ADAMTSL3: variants seen among roughly 807,000 people sequenced by gnomAD.
ADAMTSL3 encodes the protein ADAMTS like 3.
In ADAMTSL3, 128 loss-of-function variants were observed where a neutral mutation model predicts 201.7. That is an observed-to-expected ratio of 0.63 (90% confidence interval 0.55 to 0.73). The LOEUF (loss-of-function observed/expected upper bound fraction) is 0.73, where lower values mean the gene tolerates loss of function less well. Among genes scored for constraint, ADAMTSL3 ranks in the 30% least tolerant of loss-of-function variants. The pLI is 0.00. For synonymous variants in ADAMTSL3, 738 were observed against 748.4 expected, an observed-to-expected ratio of 0.99 and a Z score of 0.23; for missense variants, 1,990 against 2,119.6, an observed-to-expected ratio of 0.94 and a Z score of 1.20.
At chr15:83,796,052 G>A (rs1435850763) in intron 4 of ADAMTSL3, among the ~76,000 whole-genome samples, 1 of 152,112 alleles carries the variant, frequency 6.6e-6, no homozygotes, top group Non-Finnish European at 1.5e-5. Flanking sequence ...AAAAATATTA[G>A]CAAACTAGGA....
At chr15:83,768,247 T>A (rs2062923726) in intron 3 of ADAMTSL3, among the ~76,000 whole-genome samples, 1 of 152,372 alleles carries the variant, frequency 6.6e-6, no homozygotes, top group South Asian at 2.1e-4. Flanking sequence ...TTTATTTAAA[T>A]CTTGTTTGGG....
chr15:83,761,991 T>C (rs961105464), intron 3 of ADAMTSL3, among the ~76,000 whole-genome samples: 1 of 152,186 alleles, frequency 6.6e-6, no homozygotes, highest in East Asian at 1.9e-4. Context: ...ATTCCTCAGA[T>C]GGTCTCCTGC....
intron 29 of ADAMTSL3, 112 bp from the exon 30 acceptor site, chr15:84,037,588 G>A (rs1000425761): frequency 5.6e-6 from 7 of 1,256,290 alleles, no homozygotes; most frequent in Non-Finnish European, 7.6e-6. Context: ...CCCAAAGCTG[G>A]TTTCTTCACC....
intron 4 of ADAMTSL3, among the ~76,000 whole-genome samples, chr15:83,794,556 C>A (rs1329259586): frequency 6.6e-6 from 1 of 152,066 alleles, no homozygotes. Flanking sequence ...AAAATCCAAT[C>A]TCTAAAGCTT....
At chr15:83,871,513 G>A (rs984715118) in intron 9 of ADAMTSL3, among the ~76,000 whole-genome samples, 1 of 152,196 alleles carries the variant, frequency 6.6e-6, no homozygotes, top group African/African-American at 2.4e-5. Flanking sequence ...TATCCTTAAG[G>A]CGTCTTTACT....
At chr15:84,001,456 G>A (rs532734370) in intron 23 of ADAMTSL3, among the ~76,000 whole-genome samples, 1 of 152,312 alleles carries the variant, frequency 6.6e-6, no homozygotes, top group Admixed American at 6.5e-5. Context: ...AGATAAGGAA[G>A]CAAACTCAGA....
intron 5 of ADAMTSL3, 129 bp from the exon 6 acceptor site, chr15:83,819,682 G>T: frequency 1.5e-6 from 1 of 653,660 alleles, no homozygotes. Flanking sequence ...AAAAAAAAGA[G>T]GGAATTAGGT....
intron 2 of ADAMTSL3, among the ~76,000 whole-genome samples, chr15:83,671,655 A>G (rs546619599): frequency 1.1e-4 from 17 of 152,300 alleles, no homozygotes; most frequent in South Asian, 4.1e-4. Context: ...TATTCTCTGC[A>G]TTGAAGAATA....
intron 19 of ADAMTSL3, among the ~76,000 whole-genome samples, chr15:83,969,882 A>G (rs2067160807): frequency 6.6e-6 from 1 of 152,256 alleles, no homozygotes; most frequent in South Asian, 2.1e-4. Context: ...ATCTTATGTG[A>G]AGTGTTCTAG....
intron 20 of ADAMTSL3, among the ~76,000 whole-genome samples, chr15:83,970,908 C>G (rs1389085866): frequency 6.6e-6 from 1 of 152,204 alleles, no homozygotes; most frequent in East Asian, 1.9e-4. Context: ...TACCATAATT[C>G]CTTCTGCTTA....
At chr15:83,807,893 C>G (rs546674849) in intron 5 of ADAMTSL3, among the ~76,000 whole-genome samples, 4 of 152,282 alleles carry the variant, frequency 2.6e-5, no homozygotes, top group Admixed American at 2.6e-4. Context: ...GGGGAAAGGA[C>G]AGTGTCTTCA....
At chr15:83,826,576 A>G (rs2064026907) in intron 6 of ADAMTSL3, among the ~76,000 whole-genome samples, 1 of 151,672 alleles carries the variant, frequency 6.6e-6, no homozygotes, top group South Asian at 2.1e-4. Context: ...TTTGTTACAT[A>G]TGTATACATG....
At chr15:83,852,081 G>T (rs2064627248) in intron 7 of ADAMTSL3, among the ~76,000 whole-genome samples, 1 of 151,896 alleles carries the variant, frequency 6.6e-6, no homozygotes, top group Non-Finnish European at 1.5e-5. Flanking sequence ...TATTCACTGA[G>T]GTTTTTTTGC....
At position 83,815,130 on chromosome 15, in the gene ADAMTSL3, G is replaced by C. The variant is rs140669319; in HGVS notation, c.364-4681G>C. Reference sequence around the variant, plus strand: ...CTTCTCCTCCTCTTTCTTCTTTTCTGAGCTTCCCAGACTGGCTACCTGCAC... The same window carrying C: ...CTTCTCCTCCTCTTTCTTCTTTTCTCAGCTTCCCAGACTGGCTACCTGCAC... On this transcript the variant is annotated intron_variant, in intron 5 of 29. Transcript: ENST00000286744. Among the ~76,000 whole-genome samples, 425 of 151,836 alleles carry C rather than the reference G, an allele frequency of 2.8e-3. 1 individual carries two copies. The highest frequency in any genetic ancestry group is 4.1e-3 in the Non-Finnish European group (281 of 67,950).
At chr15:83,977,294 A>G (rs991844909) in intron 20 of ADAMTSL3, among the ~76,000 whole-genome samples, 2 of 152,186 alleles carry the variant, frequency 1.3e-5, no homozygotes, top group Middle Eastern at 3.2e-3. Flanking sequence ...ACTGTTTTCT[A>G]TGAAACCAGT....
intron 6 of ADAMTSL3, among the ~76,000 whole-genome samples, chr15:83,824,052 T>C (rs2141932468): frequency 6.6e-6 from 1 of 151,442 alleles, no homozygotes; most frequent in East Asian, 1.9e-4. Flanking sequence ...CTTTTTCTTT[T>C]TTTTTTTAAA....
chr15:84,003,653 G>A (rs1369389031), intron 23 of ADAMTSL3, among the ~76,000 whole-genome samples: 2 of 152,184 alleles, frequency 1.3e-5, no homozygotes, highest in African/African-American at 2.4e-5. Flanking sequence ...GAAGGGTTTT[G>A]AATGCCCTAT....
chr15:83,924,252 G>A (rs2141991148), intron 17 of ADAMTSL3, among the ~76,000 whole-genome samples: 1 of 152,338 alleles, frequency 6.6e-6, no homozygotes, highest in Middle Eastern at 3.4e-3. Context: ...GCTGACTTTT[G>A]TTTGCATCGA....
chr15:83,894,315 T>A (rs539240315), intron 13 of ADAMTSL3, among the ~76,000 whole-genome samples: 2 of 152,320 alleles, frequency 1.3e-5, no homozygotes, highest in East Asian at 3.9e-4. Flanking sequence ...TAATTTTTGG[T>A]CACATACTCC....
Sources: gnomAD v4.1 joint callset for allele counts (sites outside exome capture counted in the v4.1 genomes callset) on GRCh38, gnomAD v4.1.1 for gene constraint, MANE v1.5 for transcripts, NCBI Gene and HGNC (gene_info 2026-07-23, HGNC 2026-07-21) for gene names.